The following TRAF3 variants were observed in gnomAD, a reference collection of about 807,000 sequenced individuals.
The protein encoded by TRAF3 is TNF receptor associated factor 3, also known as TNF receptor-associated factor 3.
TRAF3 carries 13 observed loss-of-function variants against 62.3 expected under a neutral mutation model. The observed-to-expected ratio is 0.21, with a 90% CI of 0.14 to 0.33. TRAF3 has a LOEUF of 0.33. Ranked by LOEUF, TRAF3 falls within the 10% of genes least tolerant of loss-of-function variation. The pLI is 1.00. For missense variants in TRAF3, 440 were observed against 741.8 expected, an observed-to-expected ratio of 0.59 and a Z score of 4.73; for synonymous variants, 269 against 283.4, an observed-to-expected ratio of 0.95 and a Z score of 0.51.
At chr14:102,790,639 C>T (rs536020787) in intron 1 of TRAF3, among the ~76,000 whole-genome samples, 2 of 152,088 alleles carry the variant, frequency 1.3e-5, no homozygotes, top group Non-Finnish European at 2.9e-5. Context: ...GAGAACAGCA[C>T]CCCCACGATT....
At chr14:102,896,218 C>T (rs1307093846) in intron 9 of TRAF3, among the ~76,000 whole-genome samples, 1 of 152,196 alleles carries the variant, frequency 6.6e-6, no homozygotes, top group Non-Finnish European at 1.5e-5. Context: ...GAATCACAGT[C>T]ACCATGCTGT....
chr14:102,911,123 T>A lies in TRAF3; in HGVS notation c.*5339T>A, dbSNP rs1295674856. ...ACCCTGTCTTTTTAATCTGCCTGTT[T>A]TAAAAGTTGCGTCTGTAGTAGCCGC... On this transcript the variant is annotated 3_prime_UTR_variant, in exon 12 of 12. Coordinates refer to ENST00000392745, the MANE Select transcript of TRAF3 (RefSeq NM_145725.3). 1 of 152,214 alleles carries A rather than the reference T, an allele frequency of 6.6e-6. No homozygotes were observed. Among genetic ancestry groups the A allele is most frequent in the African/African-American group, 2.4e-5 (1 of 41,456 alleles). The allele number at this position is 152,214 out of a possible 1,614,324, so 9.4% of individuals were successfully genotyped here.
chr14:102,903,129 G>A lies in TRAF3; in HGVS notation c.961-126G>A. On this transcript the variant is annotated intron_variant, in intron 10 of 11. Transcript: ENST00000392745. This position sits in a 1 kb window ranked among gnomAD's most constrained non-coding sequence, Gnocchi z 6.4. ...CCCCACTCCTGGAGTCAGAGCCGCG[G>A]GTGGCAGGCCTCATACAGGGGCCTC... The A allele has an allele frequency of 7.5e-7, 1 of 1,330,098 alleles. No homozygotes were observed. The highest frequency in any genetic ancestry group is 1.1e-6 in the Non-Finnish European group (1 of 929,808). 82.4% of individuals were successfully genotyped at this position (1,330,098 alleles called of 1,614,324 possible).
At chr14:102,856,134 C>T (rs2103929) in intron 2 of TRAF3, among the ~76,000 whole-genome samples, 61,586 of 148,074 alleles carry the variant, frequency 0.42, 17,847 homozygotes, top group African/African-American at 0.83. Context: ...ACAGCCATCC[C>T]AGTGGGTGTG....
intron 9 of TRAF3, among the ~76,000 whole-genome samples, chr14:102,893,757 C>T (rs1400820759): frequency 6.6e-6 from 1 of 152,154 alleles, no homozygotes; most frequent in East Asian, 1.9e-4. Context: ...TGGACGTTGC[C>T]AAAGGACTGA....
chr14:102,846,436 G>C (rs1566771887), intron 2 of TRAF3, among the ~76,000 whole-genome samples: 1 of 151,974 alleles, frequency 6.6e-6, no homozygotes, highest in Non-Finnish European at 1.5e-5. Flanking sequence ...TCTGCTTCTG[G>C]TTTTTATATA....
At chr14:102,841,425 C>G (rs188256627) in intron 2 of TRAF3, among the ~76,000 whole-genome samples, 2 of 152,300 alleles carry the variant, frequency 1.3e-5, no homozygotes, top group Admixed American at 6.5e-5. Flanking sequence ...GTGTTCCCAC[C>G]ACCCAGGGTG....
intron 1 of TRAF3, among the ~76,000 whole-genome samples, chr14:102,795,039 A>G (rs926012053): frequency 5.9e-5 from 9 of 152,348 alleles, no homozygotes; most frequent in Admixed American, 5.9e-4. Context: ...TTGAGAAAAT[A>G]TAAGTAAGCC....
At chr14:102,794,293 G>A (rs1010472813) in intron 1 of TRAF3, among the ~76,000 whole-genome samples, 2 of 152,166 alleles carry the variant, frequency 1.3e-5, no homozygotes, top group African/African-American at 4.8e-5. Flanking sequence ...TCCCAGCCCA[G>A]CCTCCCAAGC....
intron 2 of TRAF3, 49 bp downstream of exon 2, chr14:102,830,521 CAGAA>C (rs1361930715): frequency 2.0e-5 from 3 of 152,056 alleles, no homozygotes; most frequent in Admixed American, 2.0e-4. Flanking sequence ...TTCCTTTTGT[CAGAA>C]AGAGGCCTGT....
chr14:102,862,622 G>A (rs1231620838), intron 2 of TRAF3, among the ~76,000 whole-genome samples: 2 of 151,952 alleles, frequency 1.3e-5, no homozygotes, highest in Non-Finnish European at 2.9e-5. Flanking sequence ...GGAGTTTGTC[G>A]AGCTTCCTGG....
At chr14:102,837,521 G>C (rs1047624301) in intron 2 of TRAF3, among the ~76,000 whole-genome samples, 8 of 152,072 alleles carry the variant, frequency 5.3e-5, no homozygotes, top group Non-Finnish European at 1.2e-4. Context: ...TTGAAGTCAG[G>C]CACTAGCCTT....
At chr14:102,786,826 C>T (rs1254780870) in intron 1 of TRAF3, among the ~76,000 whole-genome samples, 1 of 152,092 alleles carries the variant, frequency 6.6e-6, no homozygotes. Context: ...CTTGTCTCTA[C>T]AAAAAATTTA....
At chr14:102,848,480 A>T (rs1255020610) in intron 2 of TRAF3, among the ~76,000 whole-genome samples, 6 of 152,212 alleles carry the variant, frequency 3.9e-5, no homozygotes, top group African/African-American at 1.4e-4. Flanking sequence ...AATAAGTATA[A>T]GAAGTTTGAA....
rs144578195 is a variant in TRAF3, at chr14:102,891,372, G to A, written c.774G>A (p.Gln258=). ...IKAHEASSAV[Q]HVNLLKEWSN... ...CCCACGAGGCCAGCTCCGCCGTGCAGCACGTCAACCTGCTGAAGGAGTGGA... is the reference window on the plus strand; with the variant it reads ...CCCACGAGGCCAGCTCCGCCGTGCAACACGTCAACCTGCTGAAGGAGTGGA... Residue 258 remains glutamine, a synonymous_variant, in exon 9 of 12, where the codon CAG becomes CAA. Coordinates refer to ENST00000392745, the MANE Select transcript of TRAF3 (RefSeq NM_145725.3). 60 of 1,613,412 alleles carry A rather than the reference G, an allele frequency of 3.7e-5. No homozygotes were observed. Among genetic ancestry groups the A allele is most frequent in the Middle Eastern group, 1.6e-4 (1 of 6,082 alleles).
chr14:102,903,015 T>C lies in TRAF3; in HGVS notation c.961-240T>C. Reference sequence around the variant, plus strand: ...TGACTTAGTGGAGCCTCCTGTTGTTTTCTTCCATGTGGCTTCATGTCACCT... The same window carrying C: ...TGACTTAGTGGAGCCTCCTGTTGTTCTCTTCCATGTGGCTTCATGTCACCT... On this transcript the variant is annotated intron_variant, in intron 10 of 11. Transcript: ENST00000392745. The surrounding 1 kb of genome is among the most constrained non-coding windows in gnomAD (Gnocchi z 6.4). 1.7e-6 allele frequency: 1 copy of C among 584,902 alleles called. No individual in the cohort carries two copies. Among genetic ancestry groups the C allele is most frequent in the Non-Finnish European group, 3.1e-6 (1 of 325,542 alleles). 36.2% of individuals were successfully genotyped at this position (584,902 alleles called of 1,614,324 possible).
intron 4 of TRAF3, among the ~76,000 whole-genome samples, chr14:102,872,771 A>G (rs1888415481): frequency 6.6e-6 from 1 of 151,052 alleles, no homozygotes; most frequent in South Asian, 2.1e-4. Context: ...GGCTCGCTGC[A>G]GCCTCCACCT....
At chr14:102,872,022 C>CTT in intron 4 of TRAF3, 54 bp downstream of exon 4, 1 of 1,578,112 alleles carries the variant, frequency 6.3e-7, no homozygotes, top group Non-Finnish European at 8.7e-7. Context: ...CTGGGTAATA[C>CTT]TTTTCACATA....
chr14:102,840,976 C>T (rs896192643), intron 2 of TRAF3, among the ~76,000 whole-genome samples: 3 of 152,136 alleles, frequency 2.0e-5, no homozygotes, highest in Non-Finnish European at 4.4e-5. Context: ...TTTTGGGGGC[C>T]GGATGCTGTT....
Sources: allele counts gnomAD v4.1 joint callset (sites outside exome capture counted in the v4.1 genomes callset), GRCh38; gene constraint gnomAD v4.1.1; non-coding constraint Gnocchi (gnomAD v3.1); transcripts MANE v1.5; gene names NCBI Gene and HGNC (gene_info 2026-07-23, HGNC 2026-07-21).